ANKMY1: variants seen among roughly 807,000 people sequenced by gnomAD.
ANKMY1 encodes the protein ankyrin repeat and MYND domain containing 1, also known as ankyrin repeat and MYND domain-containing protein 1.
ANKMY1 carries 98 observed loss-of-function variants against 102.0 expected under a neutral mutation model. That is an observed-to-expected ratio of 0.96 (90% CI 0.82 to 1.14). The LOEUF is 1.14. ANKMY1 is among the 50% of genes most tolerant of loss of function. ANKMY1 has a pLI of 0.00. For synonymous variants in ANKMY1, 582 were observed against 559.9 expected (o/e 1.04, Z -0.56); for missense variants, 1,330 against 1,347.6 (o/e 0.99, Z 0.20).
chr2:240,481,790 G>A (rs1240795826), intron 16 of ANKMY1, among the ~76,000 whole-genome samples: 1 of 152,154 alleles, frequency 6.6e-6, no homozygotes. Flanking sequence ...AGGCTCTGCC[G>A]CATAGCCAGC....
chr2:240,559,284 A>C (rs1438011795), upstream of ANKMY1, among the ~76,000 whole-genome samples: 1 of 152,222 alleles, frequency 6.6e-6, no homozygotes, highest in African/African-American at 2.4e-5. Flanking sequence ...ATGATGATTC[A>C]TGAAACAGTC....
intron 4 of ANKMY1, among the ~76,000 whole-genome samples, chr2:240,544,936 G>A (rs1484490408): frequency 1.3e-5 from 2 of 152,202 alleles, no homozygotes; most frequent in South Asian, 4.1e-4. Context: ...TGGGGGAGGG[G>A]CGCCCGCCAT....
At chr2:240,504,180 G>A (rs1316076148) in intron 13 of ANKMY1, among the ~76,000 whole-genome samples, 7 of 152,168 alleles carry the variant, frequency 4.6e-5, no homozygotes, top group Non-Finnish European at 2.9e-5. Flanking sequence ...TGGAGGCTTC[G>A]CCAGGACCCA....
chr2:240,526,536 C>G, intron 5 of ANKMY1, 91 bp from the exon 6 acceptor site: 2 of 1,559,244 alleles, frequency 1.3e-6, no homozygotes, highest in Non-Finnish European at 8.7e-7. Flanking sequence ...TCCAATGCCT[C>G]TCCCTCTTGT....
chr2:240,554,923 C>G lies in ANKMY1; in HGVS notation c.279G>C (p.Gly93=). ...CAAGCTTCATGTTCAACCCAAACTCCCCCTGGTACATGCAACCATCCTGCC... is the reference window on the plus strand; with the variant it reads ...CAAGCTTCATGTTCAACCCAAACTCGCCCTGGTACATGCAACCATCCTGCC... ...QEWQDGCMYQ[G]EFGLNMKLGY... is the part of the protein sequence containing the mutation. The change falls in exon 3 of 18, where the codon GGG becomes GGC. Residue 93 remains glycine, a synonymous_variant. Coordinates refer to ENST00000401804, the MANE Select transcript of ANKMY1 (RefSeq NM_001282771.3). 6.2e-7 allele frequency: 1 copy of G among 1,614,176 alleles called. No individual in the cohort carries two copies. The highest frequency in any genetic ancestry group is 8.5e-7 in the Non-Finnish European group (1 of 1,180,024).
At chr2:240,524,650 G>A (rs927692854) in intron 7 of ANKMY1, among the ~76,000 whole-genome samples, 3 of 152,236 alleles carry the variant, frequency 2.0e-5, no homozygotes, top group South Asian at 2.1e-4. Flanking sequence ...TGGCCTGTCC[G>A]CACCCAGGTG....
chr2:240,478,704 A>G (rs2075026255), downstream of ANKMY1, among the ~76,000 whole-genome samples: 2 of 146,648 alleles, frequency 1.4e-5, no homozygotes, highest in African/African-American at 5.1e-5. Flanking sequence ...CATGGAGCCC[A>G]TCTTTGGCGA....
At chr2:240,492,673 T>C in intron 15 of ANKMY1, among the ~76,000 whole-genome samples, 1 of 152,242 alleles carries the variant, frequency 6.6e-6, no homozygotes, top group East Asian at 1.9e-4. Context: ...TTCAGGTCCT[T>C]TTAAAATCAA....
chr2:240,541,793 C>G (rs934631697), intron 4 of ANKMY1, among the ~76,000 whole-genome samples: 1 of 152,080 alleles, frequency 6.6e-6, no homozygotes, highest in Non-Finnish European at 1.5e-5. Context: ...TGAGCCACCA[C>G]GCTGGGCGTA....
chr2:240,483,251 G>A (rs1400598976), intron 15 of ANKMY1, among the ~76,000 whole-genome samples: 1 of 152,020 alleles, frequency 6.6e-6, no homozygotes, highest in East Asian at 1.9e-4. Flanking sequence ...TCGCCTCCTA[G>A]GTCCAAGTGA....
intron 11 of ANKMY1, among the ~76,000 whole-genome samples, 154 bp downstream of exon 11, chr2:240,511,707 C>T (rs927958719): frequency 6.6e-6 from 1 of 152,238 alleles, no homozygotes; most frequent in Admixed American, 6.5e-5. Context: ...CCCGTCCTCC[C>T]GCCTTGCCTT....
intron 15 of ANKMY1, among the ~76,000 whole-genome samples, chr2:240,494,051 T>C (rs1323873378): frequency 6.6e-6 from 1 of 151,832 alleles, no homozygotes; most frequent in African/African-American, 2.4e-5. Flanking sequence ...CCAGCTGAGG[T>C]GGTGGTAGCA....
rs558119893 is a variant in ANKMY1, at chr2:240,523,741, G to A, written c.1832+144C>T. 7.5e-5 allele frequency: 100 copies of A among 1,336,554 alleles called. 1 individual carries two copies. In the South Asian group the frequency reaches 8.5e-4, roughly 11 times the overall value. The allele number at this position is 1,336,554 out of a possible 1,614,324, so 82.8% of individuals were successfully genotyped here. ...GGGCTGGCCATGGCGTGGAGCCACC[G>A]ACACAGGGATGCTCACACATTCAGA... On this transcript the variant is annotated intron_variant, in intron 8 of 17. Transcript: ENST00000401804.
chr2:240,481,568 T>C (rs1193987798), intron 16 of ANKMY1, among the ~76,000 whole-genome samples: 1 of 152,198 alleles, frequency 6.6e-6, no homozygotes, highest in African/African-American at 2.4e-5. Flanking sequence ...CTTCCTGTCC[T>C]GCACCAGTCC....
At chr2:240,553,128 C>T (rs897374439) in intron 3 of ANKMY1, 71 bp from the exon 4 acceptor site, 58 of 1,548,766 alleles carry the variant, frequency 3.7e-5, no homozygotes, top group African/African-American at 5.4e-5. Flanking sequence ...TGAGGCTGAG[C>T]CACCATGCCT....
At chr2:240,474,489 G>A (rs1232737033), downstream of ANKMY1, among the ~76,000 whole-genome samples, 5 of 151,948 alleles carry the variant, frequency 3.3e-5, no homozygotes, top group Admixed American at 2.0e-4. Flanking sequence ...GTCATGGGGG[G>A]TTGTTGTACA....
downstream of ANKMY1, among the ~76,000 whole-genome samples, chr2:240,475,655 T>A (rs183844060): frequency 4.5e-4 from 69 of 151,984 alleles, no homozygotes; most frequent in African/African-American, 1.6e-3. Context: ...CTTTTTCAGA[T>A]AGTTCATTGT....
At chr2:240,503,709 G>A (rs930784155) in intron 13 of ANKMY1, among the ~76,000 whole-genome samples, 2 of 152,192 alleles carry the variant, frequency 1.3e-5, no homozygotes, top group African/African-American at 4.8e-5. Flanking sequence ...GACTGAAAAC[G>A]CCGAAGCCAT....
rs777326078 is a variant in ANKMY1 at position 240,500,068 on chromosome 2, G to A, written c.2696C>T (p.Thr899Met). The A allele has an allele frequency of 3.5e-5, 57 of 1,611,878 alleles. 1 individual carries two copies. Among genetic ancestry groups the A allele is most frequent in the East Asian group, 4.5e-5 (2 of 44,832 alleles). Residue 899 changes from threonine to methionine, a missense_variant, in exon 15 of 18, where the codon ACG (threonine) becomes ATG (methionine). Physicochemically the swap from Thr to Met is moderately conservative, Grantham distance 81 (BLOSUM62 -1). Coordinates refer to ENST00000401804, the MANE Select transcript of ANKMY1 (RefSeq NM_001282771.3). ...FHTLMPAERETFLARKRLLEY... is the reference protein window; with the variant it reads ...FHTLMPAEREMFLARKRLLEY... ...CAGGAGCCGCTTCCGCGCCAGGAAC[G>A]TCTCGCGCTCTGCTGGCATCAGCGT...
Sources: gnomAD v4.1 joint callset for allele counts (sites outside exome capture counted in the v4.1 genomes callset) on GRCh38, gnomAD v4.1.1 for gene constraint, MANE v1.5 for transcripts, NCBI Gene and HGNC (gene_info 2026-07-23, HGNC 2026-07-21) for gene names.